N4BP2: variants seen among roughly 807,000 people sequenced by gnomAD.
N4BP2 encodes NEDD4-binding protein 2.
N4BP2 carries 91 observed loss-of-function variants against 152.8 expected under a neutral mutation model. The ratio of observed to expected loss-of-function variants is 0.60; its 90% CI spans 0.50 to 0.71. The LOEUF is 0.71. Among genes scored for constraint, N4BP2 ranks in the 30% least tolerant of loss-of-function variants. The pLI is 0.00. For synonymous variants in N4BP2, 646 were observed against 705.3 expected (o/e 0.92, Z 1.33); for missense variants, 1,923 against 2,059.1 (o/e 0.93, Z 1.28).
At chr4:40,104,199 G>T (rs1312546265) in intron 4 of N4BP2, among the ~76,000 whole-genome samples, 1 of 151,180 alleles carries the variant, frequency 6.6e-6, no homozygotes, top group African/African-American at 2.4e-5. Flanking sequence ...TGATCCACCC[G>T]CCCCGGCCTC....
chr4:40,092,011 T>A (rs1210055273), intron 2 of N4BP2, among the ~76,000 whole-genome samples: 444 of 30,114 alleles, frequency 0.015, 1 homozygote, highest in Non-Finnish European at 0.019. Context: ...AAAAAAATTA[T>A]ATATATATAT....
At chr4:40,076,663 T>C (rs534451521) in intron 2 of N4BP2, among the ~76,000 whole-genome samples, 60 of 152,194 alleles carry the variant, frequency 3.9e-4, no homozygotes, top group Admixed American at 2.9e-3. Flanking sequence ...TAATTTTTTG[T>C]ATTTTTAGTA....
chr4:40,121,658 A>G lies in N4BP2; in HGVS notation c.3547A>G (p.Ile1183Val), dbSNP rs766333547. 8.7e-6 allele frequency: 14 copies of G among 1,613,982 alleles called. No individual in the cohort carries two copies. Among genetic ancestry groups the G allele is most frequent in the African/African-American group, 2.7e-5 (2 of 74,918 alleles). The change falls in exon 9 of 18, where the codon ATT (isoleucine) becomes GTT (valine). Residue 1183 changes from isoleucine to valine, a missense_variant. Ile to Val is a conservative substitution (Grantham distance 29, BLOSUM62 3). Coordinates refer to ENST00000261435, the MANE Select transcript of N4BP2 (RefSeq NM_018177.6). ...TCCTGTGCCAGAGTTTAGCCATGGG[A>G]TTGGTATTAGTAACGCTGACTCACA... ...NSPVPEFSHG[I>V]GISNADSQST...
intron 1 of N4BP2, 154 bp downstream of exon 1, chr4:40,057,184 G>C (rs566276813): frequency 6.6e-6 from 1 of 152,232 alleles, no homozygotes; most frequent in Non-Finnish European, 1.5e-5. Context: ...GGCCCGGCGC[G>C]GGCCGCCTCC....
At chr4:40,171,456 C>T in the N4BP2 span, among the ~76,000 whole-genome samples, 18 of 152,170 alleles carry the variant, frequency 1.2e-4, no homozygotes, top group Non-Finnish European at 2.2e-4. Context: ...TCTGATGACA[C>T]TTAGGTTCAG....
At chr4:40,188,508 G>T in the N4BP2 span, among the ~76,000 whole-genome samples, 2 of 152,248 alleles carry the variant, frequency 1.3e-5, no homozygotes, top group African/African-American at 4.8e-5. Context: ...ACTTTGAGAG[G>T]CTGAGGCAGG....
the N4BP2 span, among the ~76,000 whole-genome samples, chr4:40,179,179 T>C: frequency 6.6e-6 from 1 of 152,030 alleles, no homozygotes; most frequent in Non-Finnish European, 1.5e-5. Flanking sequence ...CCATCCTGGC[T>C]AACATGGTGA....
At chr4:40,091,936 A>C (rs1714586827) in intron 2 of N4BP2, among the ~76,000 whole-genome samples, 1 of 131,948 alleles carries the variant, frequency 7.6e-6, no homozygotes, top group East Asian at 2.4e-4. Context: ...AAAAACAGTT[A>C]TATCCACTGC....
chr4:40,134,118 C>T lies in N4BP2; in HGVS notation c.4646+2199C>T, dbSNP rs145031236. Among the ~76,000 whole-genome samples, 361 of 152,270 alleles carry T rather than the reference C, an allele frequency of 2.4e-3. 1 individual carries two copies. Among genetic ancestry groups the T allele is most frequent in the African/African-American group, 8.2e-3 (342 of 41,564 alleles). ...ACCACCGTGCCCAGCCCAGTCTGTA[C>T]TTAAGAATATTTATTCTCTGCTGAG... On this transcript the variant is annotated intron_variant, in intron 13 of 17. Coordinates refer to ENST00000261435, the MANE Select transcript of N4BP2 (RefSeq NM_018177.6).
the N4BP2 span, among the ~76,000 whole-genome samples, chr4:40,185,975 C>T: frequency 8.5e-5 from 13 of 152,132 alleles, no homozygotes; most frequent in Non-Finnish European, 1.3e-4. Flanking sequence ...ATTAATTACC[C>T]AGAAACCTCA....
chr4:40,121,686 C>T lies in N4BP2; in HGVS notation c.3575C>T (p.Ser1192Phe), dbSNP rs1480095208. The change falls in exon 9 of 18, where the codon TCT (serine) becomes TTT (phenylalanine). Residue 1192 changes from serine to phenylalanine, a missense_variant. Physicochemically the swap from Ser to Phe is radical, Grantham distance 155 (BLOSUM62 -2). Transcript: ENST00000261435. ...GIGISNADSQSTCDAERGNSE... is the reference protein window; with the variant it reads ...GIGISNADSQFTCDAERGNSE... ...GGTATTAGTAACGCTGACTCACAGT[C>T]TACTTGTGATGCAGAAAGAGGAAAC... The T allele has an allele frequency of 6.2e-7, 1 of 1,614,056 alleles. No individual in the cohort carries two copies. The highest frequency in any genetic ancestry group is 8.5e-7 in the Non-Finnish European group (1 of 1,179,966).
chr4:40,151,114 C>CTCT (rs1721117374), intron 16 of N4BP2, among the ~76,000 whole-genome samples: 1 of 152,192 alleles, frequency 6.6e-6, no homozygotes, highest in African/African-American at 2.4e-5. Flanking sequence ...ATCCTTTGAA[C>CTCT]TCTTACTTGA....
At chr4:40,071,260 A>T (rs1317369687) in intron 1 of N4BP2, among the ~76,000 whole-genome samples, 1 of 151,786 alleles carries the variant, frequency 6.6e-6, no homozygotes, top group Non-Finnish European at 1.5e-5. Flanking sequence ...TTGTTTCCTC[A>T]TGGTGTAGTA....
At chr4:40,148,566 T>C (rs1267345362) in intron 16 of N4BP2, among the ~76,000 whole-genome samples, 2 of 152,228 alleles carry the variant, frequency 1.3e-5, no homozygotes, top group African/African-American at 4.8e-5. Context: ...TGTGTCTGGC[T>C]TATTTCACTT....
At chr4:40,128,777 C>T (rs1718650622) in intron 12 of N4BP2, among the ~76,000 whole-genome samples, 1 of 151,752 alleles carries the variant, frequency 6.6e-6, no homozygotes, top group South Asian at 2.1e-4. Flanking sequence ...ATTCGGCTTC[C>T]CAAAGTGTTG....
At chr4:40,118,812 C>G (rs1355540096) in intron 8 of N4BP2, among the ~76,000 whole-genome samples, 1 of 152,064 alleles carries the variant, frequency 6.6e-6, no homozygotes, top group Admixed American at 6.6e-5. Context: ...ATTTGCAATC[C>G]AAGGTAGCAC....
At chr4:40,129,688 C>G (rs548888682) in intron 12 of N4BP2, among the ~76,000 whole-genome samples, 1 of 152,008 alleles carries the variant, frequency 6.6e-6, no homozygotes, top group African/African-American at 2.4e-5. Context: ...CCAGGCTGGT[C>G]TCGAACTCCT....
chr4:40,078,435 C>T (rs1713004160), intron 2 of N4BP2, among the ~76,000 whole-genome samples: 1 of 151,728 alleles, frequency 6.6e-6, no homozygotes, highest in Admixed American at 6.6e-5. Flanking sequence ...CCGTGTCTAG[C>T]CCAATATTCC....
At chr4:40,111,509 C>T (rs534335639) in intron 5 of N4BP2, among the ~76,000 whole-genome samples, 14 of 152,002 alleles carry the variant, frequency 9.2e-5, no homozygotes, top group South Asian at 2.1e-4. Flanking sequence ...TTAGTGGAGA[C>T]GGGGTTTCAA....
Sources: gnomAD v4.1 joint callset for allele counts (sites outside exome capture counted in the v4.1 genomes callset) on GRCh38, gnomAD v4.1.1 for gene constraint, MANE v1.5 for transcripts, NCBI Gene and HGNC (gene_info 2026-07-23, HGNC 2026-07-21) for gene names.